Variants in BABAM2 observed in about 807,000 individuals in gnomAD.
The protein encoded by BABAM2 is BRISC and BRCA1-A complex member 2.
A neutral mutation model predicts 54.7 loss-of-function variants in BABAM2; 31 were observed. The ratio of observed to expected loss-of-function variants is 0.57; its 90% CI spans 0.43 to 0.77. BABAM2 has a LOEUF of 0.77. Ranked by LOEUF, BABAM2 falls within the 30% of genes least tolerant of loss-of-function variation. The probability of loss-of-function intolerance (pLI) is 0.00; values close to 1 mark genes in which losing one functional copy is unlikely to be tolerated. For missense variants in BABAM2, 364 were observed against 455.8 expected (o/e 0.80, Z 1.83); for synonymous variants, 167 against 162.9 (o/e 1.03, Z -0.19).
chr2:28,052,126 TG>T (rs1156979406), intron 6 of BABAM2, among the ~76,000 whole-genome samples: 1 of 152,104 alleles, frequency 6.6e-6, no homozygotes, highest in Non-Finnish European at 1.5e-5. Context: ...CATGAGGATA[TG>T]AATGATTAGA....
intron 2 of BABAM2, among the ~76,000 whole-genome samples, chr2:27,925,257 C>G (rs1667602878): frequency 6.6e-6 from 1 of 151,984 alleles, no homozygotes; most frequent in Non-Finnish European, 1.5e-5. Flanking sequence ...ATTGGCTAGC[C>G]CACCCATTAG....
intron 10 of BABAM2, among the ~76,000 whole-genome samples, chr2:28,257,167 C>T (rs1684049120): frequency 6.6e-6 from 1 of 152,182 alleles, no homozygotes; most frequent in African/African-American, 2.4e-5. Flanking sequence ...ATTCAGCTTT[C>T]ATGAGTTCAT....
At chr2:27,890,363 G>A (rs1181786670), upstream of BABAM2, 2 of 1,610,120 alleles carry the variant, frequency 1.2e-6, no homozygotes, top group African/African-American at 1.3e-5. The surrounding 1 kb of genome is among the most constrained non-coding windows in gnomAD (Gnocchi z 4.8). Context: ...AGGTGCTGCT[G>A]TCCAACCTGG....
At chr2:28,278,077 C>T (rs1686030261) in intron 10 of BABAM2, among the ~76,000 whole-genome samples, 1 of 152,216 alleles carries the variant, frequency 6.6e-6, no homozygotes, top group East Asian at 1.9e-4. Context: ...GGGAATAATT[C>T]ATAAAATCTG....
intron 6 of BABAM2, among the ~76,000 whole-genome samples, chr2:28,089,769 T>C (rs527820253): frequency 7.2e-5 from 11 of 152,292 alleles, no homozygotes; most frequent in African/African-American, 2.6e-4. Context: ...GGTTCTGATT[T>C]TGTATTCAGT....
intron 7 of BABAM2, among the ~76,000 whole-genome samples, chr2:28,217,483 C>A (rs977325070): frequency 2.0e-5 from 3 of 152,154 alleles, no homozygotes; most frequent in Non-Finnish European, 1.5e-5. Context: ...AGTAGCCCTG[C>A]GAACCTAATT....
chr2:28,148,526 G>A (rs2147770100), intron 7 of BABAM2, among the ~76,000 whole-genome samples: 1 of 152,306 alleles, frequency 6.6e-6, no homozygotes, highest in African/African-American at 2.4e-5. Flanking sequence ...ACATTTTGGG[G>A]GACAGAACCC....
At chr2:28,191,811 C>T (rs745627923) in intron 7 of BABAM2, among the ~76,000 whole-genome samples, 16 of 152,036 alleles carry the variant, frequency 1.1e-4, no homozygotes, top group South Asian at 4.2e-4. Context: ...CTTAGGAAGA[C>T]GCTATATACG....
chr2:28,234,333 G>A (rs1210952483), intron 7 of BABAM2, among the ~76,000 whole-genome samples: 1 of 152,068 alleles, frequency 6.6e-6, no homozygotes, highest in African/African-American at 2.4e-5. Flanking sequence ...GGAAACATGG[G>A]CCTGGCAGCA....
At chr2:28,291,366 A>G (rs1419894552) in intron 10 of BABAM2, among the ~76,000 whole-genome samples, 1 of 152,156 alleles carries the variant, frequency 6.6e-6, no homozygotes, top group Non-Finnish European at 1.5e-5. Context: ...GCCGAGGTGG[A>G]TGGATCACCT....
Position 27,995,343 on chromosome 2 carries a change from C to T in BABAM2, c.300+7256C>T, listed in dbSNP as rs944841341. Among the ~76,000 whole-genome samples, 7 of 152,120 alleles carry T rather than the reference C, an allele frequency of 4.6e-5. No homozygotes were observed. The highest frequency in any genetic ancestry group is 7.4e-5 in the Non-Finnish European group (5 of 68,010). On this transcript the variant is annotated intron_variant, in intron 4 of 11. Coordinates refer to ENST00000379624, the MANE Select transcript of BABAM2 (RefSeq NM_199191.3). This position sits in a 1 kb window ranked among gnomAD's most constrained non-coding sequence, Gnocchi z 4.1. The stretch of plus-strand genomic sequence containing the variant: ...CACAGAACCAGGATAAGAAGCTCCT[C>T]CCTCTGCTGTGCCTTGCACTGTTCC...
intron 10 of BABAM2, among the ~76,000 whole-genome samples, chr2:28,289,231 AT>A (rs1372131401): frequency 6.6e-6 from 1 of 151,860 alleles, no homozygotes; most frequent in Non-Finnish European, 1.5e-5. Flanking sequence ...TGCCCTCTTG[AT>A]TTTCTCAATA....
chr2:28,222,541 A>T lies in BABAM2; in HGVS notation c.681-14661A>T, dbSNP rs533520356. 4.3e-4 allele frequency among the ~76,000 whole-genome samples: 65 copies of T among 152,316 alleles called. 1 individual carries two copies. The South Asian group carries it at 0.013, about 32-fold the overall frequency. On this transcript the variant is annotated intron_variant, in intron 7 of 11. Coordinates refer to ENST00000379624, the MANE Select transcript of BABAM2 (RefSeq NM_199191.3). ...GATAATAGCTATGGGCCAGCCATAC[A>T]ACTTTTCTCATAAGTCATGTTTGCA...
chr2:28,098,106 T>C (rs1052910221), intron 6 of BABAM2, among the ~76,000 whole-genome samples: 9 of 152,244 alleles, frequency 5.9e-5, no homozygotes, highest in African/African-American at 2.2e-4. Context: ...TTCTGTAAAA[T>C]CAGTGTTTTA....
At chr2:27,970,904 C>G (rs918243445) in intron 3 of BABAM2, among the ~76,000 whole-genome samples, 1 of 151,946 alleles carries the variant, frequency 6.6e-6, no homozygotes, top group African/African-American at 2.4e-5. Flanking sequence ...TAACATATCC[C>G]ACAGTTTGGT....
intron 7 of BABAM2, among the ~76,000 whole-genome samples, chr2:28,149,501 T>G (rs1671816573): frequency 6.6e-6 from 1 of 152,224 alleles, no homozygotes; most frequent in African/African-American, 2.4e-5. Flanking sequence ...AGGGCCGGCA[T>G]TGTCATCTCT....
At chr2:28,211,913 C>T (rs186650539) in intron 7 of BABAM2, among the ~76,000 whole-genome samples, 96 of 152,272 alleles carry the variant, frequency 6.3e-4, no homozygotes, top group Admixed American at 1.7e-3. Flanking sequence ...TCATTTGTCT[C>T]AAGTGTCTTT....
intron 2 of BABAM2, among the ~76,000 whole-genome samples, chr2:27,908,597 G>T (rs1412720887): frequency 6.6e-6 from 1 of 151,952 alleles, no homozygotes; most frequent in Non-Finnish European, 1.5e-5. Context: ...TCAACCCTTG[G>T]CTCCCTCCTT....
intron 2 of BABAM2, among the ~76,000 whole-genome samples, chr2:27,919,915 T>C (rs1175912206): frequency 6.6e-6 from 1 of 152,222 alleles, no homozygotes; most frequent in Non-Finnish European, 1.5e-5. Context: ...TGACGCCACA[T>C]GAACTGGCAA....
Sources: gnomAD v4.1 joint callset for allele counts (sites outside exome capture counted in the v4.1 genomes callset) on GRCh38, gnomAD v4.1.1 for gene constraint, Gnocchi (gnomAD v3.1) non-coding constraint, MANE v1.5 for transcripts, NCBI Gene and HGNC (gene_info 2026-07-23, HGNC 2026-07-21) for gene names.